MRPL48: variants seen among roughly 807,000 people sequenced by gnomAD.
MRPL48 encodes large ribosomal subunit protein mL48.
Under a neutral mutation model 32.9 loss-of-function variants are expected in MRPL48, and 16 were observed. That is an observed-to-expected ratio of 0.49 (90% CI 0.33 to 0.74). The LOEUF (loss-of-function observed/expected upper bound fraction) is 0.74, where lower values mean the gene tolerates loss of function less well. Ranked by LOEUF, MRPL48 falls within the 30% of genes least tolerant of loss-of-function variation. MRPL48 has a pLI of 0.02. For missense variants in MRPL48, 206 were observed against 245.3 expected (o/e 0.84, Z 1.07); for synonymous variants, 94 against 89.2 (o/e 1.05, Z -0.31).
intron 1 of MRPL48, among the ~76,000 whole-genome samples, chr11:73,791,602 A>G (rs527555837): frequency 1.3e-5 from 2 of 151,840 alleles, no homozygotes; most frequent in African/African-American, 4.8e-5. Flanking sequence ...ATTTTTTTGT[A>G]GAGATGGGGT....
intron 2 of MRPL48, 119 bp downstream of exon 2, chr11:73,805,198 C>A: frequency 1.3e-6 from 1 of 786,514 alleles, no homozygotes. Context: ...TGCATCTCCC[C>A]TGCCACCTTG....
chr11:73,802,160 C>G (rs1250157756), intron 1 of MRPL48: 1 of 152,174 alleles, frequency 6.6e-6, no homozygotes. Flanking sequence ...AGCCATCTCC[C>G]CCTGGATTTC....
intron 5 of MRPL48, among the ~76,000 whole-genome samples, chr11:73,856,772 T>C (rs1253320801): frequency 6.6e-6 from 1 of 152,238 alleles, no homozygotes; most frequent in Non-Finnish European, 1.5e-5. Context: ...AATAGCATTA[T>C]TTTGTCATGT....
In MRPL48 at chr11:73,835,383, G is replaced by A. The variant is rs1948081201; in HGVS notation, c.202-9424G>A. Among the ~76,000 whole-genome samples the A allele has an allele frequency of 2.7e-5, 4 of 150,896 alleles. 1 individual carries two copies. In the South Asian group the frequency reaches 8.4e-4, roughly 32 times the overall value. ...TCTCGATCTCCTGACCTCGTGATCC[G>A]CCTGCCTCGGCCTCCCAAAGTGCTA... On this transcript the variant is annotated intron_variant, in intron 4 of 7. Transcript: ENST00000310614.
intron 4 of MRPL48, among the ~76,000 whole-genome samples, chr11:73,827,740 C>T (rs1159722976): frequency 6.6e-6 from 1 of 152,158 alleles, no homozygotes; most frequent in Non-Finnish European, 1.5e-5. Flanking sequence ...GCCTTAGAAA[C>T]CACTAACCTT....
intron 1 of MRPL48, among the ~76,000 whole-genome samples, chr11:73,804,384 C>A (rs1947413866): frequency 1.3e-5 from 2 of 152,092 alleles, no homozygotes; most frequent in Non-Finnish European, 2.9e-5. Context: ...TCAAGTGATT[C>A]TTCTGTCTCA....
intron 5 of MRPL48, 115 bp from the exon 6 acceptor site, chr11:73,859,792 C>A: frequency 2.6e-6 from 2 of 776,378 alleles, no homozygotes; most frequent in South Asian, 3.8e-5. Context: ...GATAAGCATC[C>A]CCTACATTCC....
At chr11:73,809,934 G>T (rs1234066670) in intron 3 of MRPL48, among the ~76,000 whole-genome samples, 1 of 151,938 alleles carries the variant, frequency 6.6e-6, no homozygotes, top group Non-Finnish European at 1.5e-5. Flanking sequence ...TTTCTACTGG[G>T]CCCAAAGCCT....
At chr11:73,853,936 C>T (rs1405101690) in intron 5 of MRPL48, among the ~76,000 whole-genome samples, 1 of 151,888 alleles carries the variant, frequency 6.6e-6, no homozygotes, top group Non-Finnish European at 1.5e-5. Flanking sequence ...GTGATCCGCC[C>T]ACCTCGGCCT....
intron 5 of MRPL48, among the ~76,000 whole-genome samples, chr11:73,856,106 C>T (rs760428555): frequency 6.6e-5 from 10 of 152,164 alleles, no homozygotes; most frequent in African/African-American, 9.7e-5. Flanking sequence ...ACAGGCATGG[C>T]GGACATGATT....
intron 5 of MRPL48, among the ~76,000 whole-genome samples, chr11:73,852,393 C>CAAAAAAAAAAAAAAAAA (rs10554131): frequency 2.4e-5 from 2 of 83,340 alleles, no homozygotes; most frequent in Admixed American, 1.3e-4. Flanking sequence ...AACTCTATAG[C>CAAAAAAAAAAAAAAAAA]AAAAAAAAAA....
At chr11:73,790,534 G>A (rs1289830826) in intron 1 of MRPL48, among the ~76,000 whole-genome samples, 2 of 149,640 alleles carry the variant, frequency 1.3e-5, no homozygotes, top group Admixed American at 1.3e-4. Context: ...ACGGGTGCCC[G>A]CCACCACACC....
At chr11:73,854,433 G>A (rs1051448486) in intron 5 of MRPL48, among the ~76,000 whole-genome samples, 5 of 152,132 alleles carry the variant, frequency 3.3e-5, no homozygotes, top group African/African-American at 1.2e-4. Context: ...ACAGGCACCC[G>A]CCACCACCAC....
intron 6 of MRPL48, 102 bp downstream of exon 6, chr11:73,860,111 T>A: frequency 1.0e-6 from 1 of 985,368 alleles, no homozygotes; most frequent in Non-Finnish European, 1.5e-6. Context: ...CTTTCTTGAA[T>A]AATAGTGTTC....
intron 4 of MRPL48, chr11:73,842,266 C>T (rs1166304904): frequency 6.6e-6 from 1 of 152,114 alleles, no homozygotes; most frequent in Admixed American, 6.6e-5. Flanking sequence ...TATTTTTGTA[C>T]ATGCTTCCAG....
chr11:73,848,433 T>G (rs1355088572), intron 5 of MRPL48, among the ~76,000 whole-genome samples: 1 of 151,954 alleles, frequency 6.6e-6, no homozygotes, highest in African/African-American at 2.4e-5. Flanking sequence ...CCTTTGGTTT[T>G]CCATAAAAAT....
chr11:73,791,776 T>TA (rs1394106031), intron 1 of MRPL48, among the ~76,000 whole-genome samples: 1 of 152,150 alleles, frequency 6.6e-6, no homozygotes, highest in Non-Finnish European at 1.5e-5. Flanking sequence ...CTAAAGTAGG[T>TA]ACCTGGTAAA....
chr11:73,857,284 C>G (rs1013566019), intron 5 of MRPL48, among the ~76,000 whole-genome samples: 1 of 152,020 alleles, frequency 6.6e-6, no homozygotes, highest in African/African-American at 2.4e-5. Flanking sequence ...GCGCTCACCA[C>G]CACGCCCAGC....
intron 5 of MRPL48, among the ~76,000 whole-genome samples, chr11:73,845,866 G>A (rs1445584978): frequency 5.3e-5 from 8 of 151,998 alleles, no homozygotes; most frequent in East Asian, 3.9e-4. Flanking sequence ...TCAGGAGTTC[G>A]AGACTAGTTT....
Sources: gnomAD v4.1 joint callset for allele counts (sites outside exome capture counted in the v4.1 genomes callset) on GRCh38, gnomAD v4.1.1 for gene constraint, MANE v1.5 for transcripts, NCBI Gene and HGNC (gene_info 2026-07-23, HGNC 2026-07-21) for gene names.